The following OSBPL9 variants were observed in gnomAD, a reference collection of about 807,000 sequenced individuals.
OSBPL9 encodes oxysterol-binding protein-related protein 9.
In OSBPL9, 40 loss-of-function variants were observed where a neutral mutation model predicts 106.6. The observed-to-expected ratio is 0.38, with a 90% CI of 0.29 to 0.49. The LOEUF (loss-of-function observed/expected upper bound fraction) is 0.49, where lower values mean the gene tolerates loss of function less well. Among genes scored for constraint, OSBPL9 ranks in the 20% least tolerant of loss-of-function variants. OSBPL9 has a pLI of 0.97. For synonymous variants in OSBPL9, 269 were observed against 295.4 expected, an observed-to-expected ratio of 0.91 and a Z score of 0.92; for missense variants, 609 against 887.2, an observed-to-expected ratio of 0.69 and a Z score of 3.98.
intron 3 of OSBPL9, among the ~76,000 whole-genome samples, chr1:51,699,213 G>A (rs916460912): frequency 7.2e-5 from 11 of 152,126 alleles, no homozygotes; most frequent in African/African-American, 2.7e-4. Flanking sequence ...GTATACATTA[G>A]TCCTGCTCCT....
chr1:51,759,516 G>A (rs1485373896), intron 9 of OSBPL9: 5 of 151,994 alleles, frequency 3.3e-5, no homozygotes, highest in African/African-American at 1.2e-4. Flanking sequence ...TTCTGTTTTA[G>A]TATCTTCTGT....
chr1:51,733,326 A>G (rs1378003827), intron 4 of OSBPL9, among the ~76,000 whole-genome samples: 2 of 152,160 alleles, frequency 1.3e-5, no homozygotes, highest in African/African-American at 4.8e-5. Context: ...AAAATATGTG[A>G]CGATAATAGC....
the OSBPL9 span, among the ~76,000 whole-genome samples, chr1:51,570,489 A>G: frequency 1.3e-5 from 2 of 152,194 alleles, no homozygotes; most frequent in African/African-American, 4.8e-5. Context: ...GAGCCTTTCT[A>G]GTCTAACCAC....
At chr1:51,651,139 G>A (rs779932263) in intron 1 of OSBPL9, among the ~76,000 whole-genome samples, 1 of 152,142 alleles carries the variant, frequency 6.6e-6, no homozygotes, top group Admixed American at 6.5e-5. Flanking sequence ...ACAGAGCTAA[G>A]GTGCTTGGAA....
chr1:51,562,388 TC>T, the OSBPL9 span, among the ~76,000 whole-genome samples: 3 of 152,110 alleles, frequency 2.0e-5, no homozygotes, highest in African/African-American at 4.8e-5. Context: ...ACCTGAGGCC[TC>T]CCCAGAAGCT....
chr1:51,580,890 CAT>C (rs1491561592), intron 1 of OSBPL9, among the ~76,000 whole-genome samples: 6 of 78,338 alleles, frequency 7.7e-5, no homozygotes, highest in Non-Finnish European at 1.4e-4. Context: ...TCCTTCTAGC[CAT>C]TATATATATA....
intron 3 of OSBPL9, among the ~76,000 whole-genome samples, chr1:51,678,638 G>T (rs899623097): frequency 1.2e-4 from 19 of 152,144 alleles, no homozygotes; most frequent in African/African-American, 4.1e-4. Context: ...TCCAGCCTGG[G>T]CGACAGAGCA....
At chr1:51,564,052 C>CA in the OSBPL9 span, among the ~76,000 whole-genome samples, 163 of 27,382 alleles carry the variant, frequency 6.0e-3, 9 homozygotes, top group African/African-American at 0.017. Flanking sequence ...GAGATCATCT[C>CA]AAAAAAAAAA....
intron 15 of OSBPL9, among the ~76,000 whole-genome samples, chr1:51,780,787 G>A (rs1475272081): frequency 6.6e-6 from 1 of 151,330 alleles, no homozygotes; most frequent in East Asian, 2.0e-4. Flanking sequence ...TGATACAGTG[G>A]ACTTTGGGGC....
chr1:51,726,116 A>C (rs1663071968), intron 4 of OSBPL9, among the ~76,000 whole-genome samples: 1 of 152,236 alleles, frequency 6.6e-6, no homozygotes, highest in South Asian at 2.1e-4. Flanking sequence ...AGGAAGATAA[A>C]ATATATTTAC....
At chr1:51,596,716 G>T (rs934803619) in intron 1 of OSBPL9, among the ~76,000 whole-genome samples, 3 of 152,098 alleles carry the variant, frequency 2.0e-5, no homozygotes. Flanking sequence ...GGAGGCGGAG[G>T]TTGCAGTGAG....
At chr1:51,752,217 A>G (rs776376092) in intron 8 of OSBPL9, among the ~76,000 whole-genome samples, 22 of 151,776 alleles carry the variant, frequency 1.4e-4, no homozygotes, top group Middle Eastern at 6.8e-3. Flanking sequence ...TCTTTTTCTC[A>G]GGCAAGACAA....
At chr1:51,542,529 T>A in the OSBPL9 span, among the ~76,000 whole-genome samples, 1 of 152,238 alleles carries the variant, frequency 6.6e-6, no homozygotes, top group African/African-American at 2.4e-5. Context: ...AAGTTTCCTA[T>A]AAGGCAGCAC....
chr1:51,530,662 AC>A, the OSBPL9 span, among the ~76,000 whole-genome samples: 2 of 152,086 alleles, frequency 1.3e-5, no homozygotes, highest in Admixed American at 6.6e-5. Flanking sequence ...GCGTCACTGC[AC>A]TCCAGCCTGG....
the OSBPL9 span, chr1:51,561,982 T>A: frequency 6.6e-6 from 1 of 152,324 alleles, no homozygotes; most frequent in East Asian, 1.9e-4. Context: ...TTGGGATGAA[T>A]CTACTCCCCC....
At chr1:51,659,391 A>G (rs149056013) in intron 2 of OSBPL9, among the ~76,000 whole-genome samples, 2 of 152,116 alleles carry the variant, frequency 1.3e-5, no homozygotes, top group African/African-American at 2.4e-5. Context: ...AGAAAACCAC[A>G]TGTTAAAACT....
In OSBPL9 at chr1:51,646,566, C is replaced by T. The variant is rs943609968; in HGVS notation, c.112-5425C>T. ...TTGTTGTTGTTTTTTGTTTTTGAGA[C>T]GGAGTTTTGCTCCATTGCCCAGGCT... On this transcript the variant is annotated intron_variant, in intron 1 of 23. Transcript: ENST00000428468. 2.3e-4 allele frequency among the ~76,000 whole-genome samples: 35 copies of T among 152,198 alleles called. No homozygotes were observed. In the South Asian group the frequency reaches 4.1e-3, roughly 18 times the overall value.
chr1:51,722,017 C>T (rs1370557704), intron 4 of OSBPL9, among the ~76,000 whole-genome samples: 1 of 152,210 alleles, frequency 6.6e-6, no homozygotes, highest in African/African-American at 2.4e-5. Context: ...CTTTATGGAA[C>T]TAGTCTAGTA....
rs561579848 is a variant in OSBPL9, at chr1:51,789,025, T to C, written c.*1236T>C. The stretch of plus-strand genomic sequence containing the variant: ...GCTGCTGCAGGCTTTCTGGTCTCGC[T>C]TGGCCCATTCTGCTAATTTTCCTTT... On this transcript the variant is annotated 3_prime_UTR_variant, in exon 24 of 24. Transcript: ENST00000428468. Among the ~76,000 whole-genome samples, 1 of 152,200 alleles carries C rather than the reference T, an allele frequency of 6.6e-6. No homozygotes were observed. The highest frequency in any genetic ancestry group is 1.5e-5 in the Non-Finnish European group (1 of 68,042).
Sources: gnomAD v4.1 joint callset for allele counts (sites outside exome capture counted in the v4.1 genomes callset) on GRCh38, gnomAD v4.1.1 for gene constraint, MANE v1.5 for transcripts, NCBI Gene and HGNC (gene_info 2026-07-23, HGNC 2026-07-21) for gene names.